Variants in OPCML observed in about 807,000 individuals in gnomAD.
OPCML encodes the protein opioid binding protein/cell adhesion molecule like.
OPCML carries 13 observed loss-of-function variants against 37.8 expected under a neutral mutation model. The ratio of observed to expected loss-of-function variants is 0.34; its 90% CI spans 0.22 to 0.55. The LOEUF is 0.55. Ranked by LOEUF, OPCML falls within the 20% of genes least tolerant of loss-of-function variation. The pLI is 0.91. For synonymous variants in OPCML, 176 were observed against 168.8 expected, an observed-to-expected ratio of 1.04 and a Z score of -0.33; for missense variants, 341 against 435.6, an observed-to-expected ratio of 0.78 and a Z score of 1.93.
chr11:132,623,415 G>A (rs909102769), intron 3 of OPCML, among the ~76,000 whole-genome samples: 4 of 151,020 alleles, frequency 2.6e-5, no homozygotes, highest in African/African-American at 9.7e-5. Flanking sequence ...AAGCTGTTTT[G>A]GGGGAAAAAA....
At chr11:132,724,959 G>C (rs1591520767) in intron 2 of OPCML, among the ~76,000 whole-genome samples, 1 of 152,190 alleles carries the variant, frequency 6.6e-6, no homozygotes, top group African/African-American at 2.4e-5. Flanking sequence ...GCAGGGTACA[G>C]CCTCCCTCCC....
intron 1 of OPCML, among the ~76,000 whole-genome samples, chr11:132,997,207 C>G (rs1946904416): frequency 6.6e-6 from 1 of 152,218 alleles, no homozygotes; most frequent in Admixed American, 6.5e-5. Context: ...TCACACGTAT[C>G]TGCACATGAG....
intron 3 of OPCML, among the ~76,000 whole-genome samples, chr11:132,584,670 T>C (rs2096468796): frequency 6.6e-6 from 1 of 152,162 alleles, no homozygotes; most frequent in South Asian, 2.1e-4. Context: ...GATGATCAGA[T>C]CCCAAAATAA....
At chr11:132,766,243 G>A (rs1431459532) in intron 2 of OPCML, among the ~76,000 whole-genome samples, 1 of 152,152 alleles carries the variant, frequency 6.6e-6, no homozygotes, top group African/African-American at 2.4e-5. Context: ...CAGCTCAGGT[G>A]AGAATTATCA....
chr11:132,490,476 C>A (rs933213574), intron 4 of OPCML, among the ~76,000 whole-genome samples: 22 of 152,004 alleles, frequency 1.4e-4, no homozygotes, highest in Admixed American at 5.9e-4. Context: ...GCTGGTATTA[C>A]TGGGTGTCAG....
chr11:132,472,030 C>T (rs2096139566), intron 4 of OPCML, among the ~76,000 whole-genome samples: 1 of 152,152 alleles, frequency 6.6e-6, no homozygotes, highest in South Asian at 2.1e-4. Flanking sequence ...TCTGGAAGGC[C>T]CTCCCTTTTC....
chr11:132,888,299 G>A (rs111515836), intron 2 of OPCML, among the ~76,000 whole-genome samples: 6 of 152,246 alleles, frequency 3.9e-5, no homozygotes, highest in Middle Eastern at 3.4e-3. Flanking sequence ...CAGGCTGCAC[G>A]GCCTAGAATT....
chr11:133,487,564 G>T (rs1358627839), intron 1 of OPCML, among the ~76,000 whole-genome samples: 1 of 152,038 alleles, frequency 6.6e-6, no homozygotes, highest in African/African-American at 2.4e-5. Context: ...TATCTGAAAT[G>T]GTCCCTTTGT....
chr11:133,080,518 C>T (rs1472312643), intron 1 of OPCML, among the ~76,000 whole-genome samples: 11 of 136,124 alleles, frequency 8.1e-5, no homozygotes, highest in East Asian at 2.2e-4. Flanking sequence ...TTAGTCTCAT[C>T]TGTGGAATGT....
intron 2 of OPCML, among the ~76,000 whole-genome samples, chr11:132,764,356 A>G (rs1226436993): frequency 6.6e-6 from 1 of 152,152 alleles, no homozygotes; most frequent in East Asian, 1.9e-4. Flanking sequence ...GCCTTTCCTC[A>G]TGGGCCTACT....
chr11:133,478,776 T>A (rs188764312), intron 1 of OPCML, among the ~76,000 whole-genome samples: 1 of 152,332 alleles, frequency 6.6e-6, no homozygotes, highest in Admixed American at 6.5e-5. Context: ...TCATTTAACA[T>A]TCGCTTATGC....
At chr11:133,345,482 T>C (rs1296136630) in intron 1 of OPCML, among the ~76,000 whole-genome samples, 1 of 152,238 alleles carries the variant, frequency 6.6e-6, no homozygotes, top group East Asian at 1.9e-4. Flanking sequence ...TAATGTTCCA[T>C]GAAACACACT....
intron 1 of OPCML, among the ~76,000 whole-genome samples, chr11:133,107,378 C>T (rs1949176086): frequency 6.6e-6 from 1 of 152,194 alleles, no homozygotes; most frequent in Non-Finnish European, 1.5e-5. Flanking sequence ...TGAGATAATG[C>T]TTTTCAAACG....
At chr11:133,397,565 T>C (rs1945315096) in intron 1 of OPCML, among the ~76,000 whole-genome samples, 1 of 152,180 alleles carries the variant, frequency 6.6e-6, no homozygotes, top group Non-Finnish European at 1.5e-5. Context: ...GGTACCTGAG[T>C]TGAGCAGATA....
At chr11:132,599,392 GAAGAAGGAGGAAGA>G (rs1565698549) in intron 3 of OPCML, among the ~76,000 whole-genome samples, 1 of 116,386 alleles carries the variant, frequency 8.6e-6, no homozygotes, top group African/African-American at 4.4e-5. Context: ...GAAGAAGGAG[GAAGAAGGAGGAAGA>G]AGGAGGAAGA....
At chr11:132,895,956 G>A (rs1468259449) in intron 2 of OPCML, among the ~76,000 whole-genome samples, 4 of 152,120 alleles carry the variant, frequency 2.6e-5, no homozygotes, top group Admixed American at 2.0e-4. Context: ...AGAAGTCTGG[G>A]GAATGCTTGT....
At chr11:132,666,437 C>A (rs1166405962) in intron 2 of OPCML, among the ~76,000 whole-genome samples, 4 of 152,142 alleles carry the variant, frequency 2.6e-5, no homozygotes, top group African/African-American at 9.7e-5. Flanking sequence ...GAGGAATCCA[C>A]CCCCATGACC....
At chr11:132,714,672 G>A (rs1185561365) in intron 2 of OPCML, among the ~76,000 whole-genome samples, 2 of 152,180 alleles carry the variant, frequency 1.3e-5, no homozygotes, top group African/African-American at 2.4e-5. Context: ...CTGGCTTATC[G>A]AAGAGTCTTT....
chr11:133,216,391 G>A (rs1015160405), intron 1 of OPCML, among the ~76,000 whole-genome samples: 1 of 152,136 alleles, frequency 6.6e-6, no homozygotes, highest in Non-Finnish European at 1.5e-5. Flanking sequence ...CCTTTGGATG[G>A]TACGTATTAG....
Sources: allele counts gnomAD v4.1 joint callset (sites outside exome capture counted in the v4.1 genomes callset), GRCh38; gene constraint gnomAD v4.1.1; transcripts MANE v1.5; gene names NCBI Gene and HGNC (gene_info 2026-07-23, HGNC 2026-07-21).